ZNF605: variants seen among roughly 807,000 people sequenced by gnomAD.
The protein encoded by ZNF605 is zinc finger protein 605.
Under a neutral mutation model 7.9 loss-of-function variants are expected in ZNF605, and 9 were observed. The observed-to-expected ratio is 1.14, with a 90% CI of 0.68 to 1.98. The LOEUF is 1.98. ZNF605 is among the 30% of genes most tolerant of loss of function. The pLI is 0.00. For missense variants in ZNF605, 673 were observed against 762.4 expected (o/e 0.88, Z 1.38); for synonymous variants, 255 against 260.1 (o/e 0.98, Z 0.19).
intron 1 of ZNF605, among the ~76,000 whole-genome samples, chr12:132,949,829 C>T (rs1328695783): frequency 3.9e-5 from 6 of 152,214 alleles, no homozygotes; most frequent in South Asian, 2.1e-4. Flanking sequence ...CTAGAAATGG[C>T]GGGAAAGGAG....
intron 3 of ZNF605, among the ~76,000 whole-genome samples, chr12:132,938,066 C>T (rs991654868): frequency 1.3e-5 from 2 of 151,716 alleles, no homozygotes; most frequent in African/African-American, 2.4e-5. Context: ...TGGCAAGCCC[C>T]GCCTCCTGGG....
chr12:132,934,240 C>A (rs1952336591), intron 3 of ZNF605, among the ~76,000 whole-genome samples: 1 of 151,958 alleles, frequency 6.6e-6, no homozygotes, highest in Non-Finnish European at 1.5e-5. Context: ...GATCGTGCAC[C>A]TGCATGCAGC....
chr12:132,934,795 CAGGCCAGAGTGAATA>C (rs1210612713), intron 3 of ZNF605, among the ~76,000 whole-genome samples: 2 of 151,146 alleles, frequency 1.3e-5, no homozygotes, highest in Admixed American at 1.3e-4. Context: ...AAGTACCTTT[CAGGCCAGAGTGAATA>C]AGGTTACAGG....
At position 132,933,877 on chromosome 12, in the gene ZNF605, G is replaced by C. The variant is rs1327210617; in HGVS notation, c.16-722C>G. 1.3e-5 allele frequency among the ~76,000 whole-genome samples: 2 copies of C among 152,192 alleles called. No individual in the cohort carries two copies. Among genetic ancestry groups the C allele is most frequent in the Admixed American group, 6.5e-5 (1 of 15,280 alleles). On this transcript the variant is annotated intron_variant, in intron 3 of 4. Coordinates refer to ENST00000360187, the MANE Select transcript of ZNF605 (RefSeq NM_183238.4). This position sits in a 1 kb window ranked among gnomAD's most constrained non-coding sequence, Gnocchi z 4.4. ...CTCAAAGAAGGTGCCACTAGTATTT[G>C]AGAACCATTCTTAGGTAAGGAATAC... is the stretch of plus-strand genomic sequence containing the variant.
At chr12:132,955,865 C>T (rs1195019799) in intron 1 of ZNF605, among the ~76,000 whole-genome samples, 6 of 152,100 alleles carry the variant, frequency 3.9e-5, no homozygotes, top group Non-Finnish European at 7.4e-5. Context: ...AGGGCAACCT[C>T]GCGTCCCCTT....
intron 1 of ZNF605, among the ~76,000 whole-genome samples, chr12:132,955,008 G>T (rs2137173583): frequency 6.6e-6 from 1 of 152,202 alleles, no homozygotes; most frequent in South Asian, 2.1e-4. Context: ...TTGGAGACAG[G>T]GGTTGAAAGA....
chr12:132,939,053 C>A (rs796158953), intron 3 of ZNF605, among the ~76,000 whole-genome samples: 4 of 150,886 alleles, frequency 2.7e-5, no homozygotes, highest in African/African-American at 9.7e-5. Flanking sequence ...CATGGGCTCC[C>A]ATGCGGCCCC....
At chr12:132,940,737 T>A (rs887983483) in intron 3 of ZNF605, among the ~76,000 whole-genome samples, 21 of 151,132 alleles carry the variant, frequency 1.4e-4, no homozygotes, top group African/African-American at 4.4e-4. Context: ...CAGGACTTTT[T>A]AAAAAAAAAA....
At chr12:132,931,690 T>G (rs950251989) in intron 4 of ZNF605, among the ~76,000 whole-genome samples, 51 of 152,122 alleles carry the variant, frequency 3.4e-4, no homozygotes, top group Admixed American at 2.8e-3. Flanking sequence ...GAAAAATAAG[T>G]GGAGAGATAA....
At position 132,919,639 on chromosome 12, in the gene ZNF605, T is replaced by C. The variant is rs541029013; in HGVS notation, c.*5734A>G. On this transcript the variant is annotated 3_prime_UTR_variant, in exon 5 of 5. Coordinates refer to ENST00000360187, the MANE Select transcript of ZNF605 (RefSeq NM_183238.4). ...CTCCTGACCTCGTGATCCACCCATC[T>C]TGGCCTCCCAAAGTGCTGAGATTAC... The C allele has an allele frequency of 1.3e-5, 2 of 152,326 alleles. No individual in the cohort carries two copies. The highest frequency in any genetic ancestry group is 3.9e-4 in the East Asian group (2 of 5,182). The allele number at this position is 152,326 out of a possible 1,614,324, so 9.4% of individuals were successfully genotyped here.
intron 3 of ZNF605, among the ~76,000 whole-genome samples, chr12:132,938,041 C>A (rs998479759): frequency 6.6e-6 from 1 of 152,208 alleles, no homozygotes; most frequent in Non-Finnish European, 1.5e-5. Context: ...AGTGCAGTGG[C>A]GCGATCTCGG....
chr12:132,925,370 T>G lies in ZNF605; in HGVS notation c.*3A>C. ...CTTTCTGCATTCGCCAAAGTCATGA[T>G]TTTTATATTATATGATTTCTCTGAT... is the stretch of plus-strand genomic sequence containing the variant. On this transcript the variant is annotated 3_prime_UTR_variant, in exon 5 of 5. Transcript: ENST00000360187. The G allele has an allele frequency of 6.4e-7, 1 of 1,567,220 alleles. No individual in the cohort carries two copies. Among genetic ancestry groups the G allele is most frequent in the Non-Finnish European group, 8.6e-7 (1 of 1,157,186 alleles).
chr12:132,919,850 G>T lies in ZNF605; in HGVS notation c.*5523C>A, dbSNP rs1290163. The T allele has an allele frequency of 0.82, 123,829 of 151,310 alleles. 51,648 individuals carry two copies. The highest frequency in any genetic ancestry group is 0.94 in the Middle Eastern group (275 of 294). 9.4% of individuals were successfully genotyped at this position (151,310 alleles called of 1,614,324 possible). On this transcript the variant is annotated 3_prime_UTR_variant, in exon 5 of 5. Transcript: ENST00000360187. Reference sequence around the variant, plus strand: ...TAAGTTTGGTGTTCCCTGTTTTTTTGTGTGTGTGTGTGATGGAGTCTTGCT... The same window carrying T: ...TAAGTTTGGTGTTCCCTGTTTTTTTTTGTGTGTGTGTGATGGAGTCTTGCT...
chr12:132,932,801 A>G, intron 4 of ZNF605: 3 of 1,535,478 alleles, frequency 2.0e-6, no homozygotes, highest in Non-Finnish European at 2.6e-6. Context: ...TGAGAATTTG[A>G]AAACCTGTCG....
intron 4 of ZNF605, among the ~76,000 whole-genome samples, chr12:132,928,690 G>C (rs552679964): frequency 6.6e-6 from 1 of 152,142 alleles, no homozygotes; most frequent in Non-Finnish European, 1.5e-5. Context: ...TACTCTGCGA[G>C]ATGAAAAGAT....
intron 1 of ZNF605, among the ~76,000 whole-genome samples, chr12:132,954,017 C>T (rs1316094839): frequency 2.0e-5 from 3 of 152,062 alleles, no homozygotes; most frequent in Admixed American, 2.0e-4. Flanking sequence ...AATAACAAAG[C>T]CAATGCCAGG....
At chr12:132,954,087 T>A (rs1381846098) in intron 1 of ZNF605, among the ~76,000 whole-genome samples, 3 of 151,486 alleles carry the variant, frequency 2.0e-5, no homozygotes, top group Non-Finnish European at 2.9e-5. Flanking sequence ...TTATTCCTAA[T>A]CCTCCACAGG....
At position 132,933,413 on chromosome 12, in the gene ZNF605, A is replaced by ACT. The variant is rs947405278; in HGVS notation, c.16-260_16-259dup. Among the ~76,000 whole-genome samples, 13 of 151,798 alleles carry ACT rather than the reference A, an allele frequency of 8.6e-5. No individual in the cohort carries two copies. The highest frequency in any genetic ancestry group is 1.3e-4 in the Admixed American group (2 of 15,238). On this transcript the variant is annotated intron_variant, in intron 3 of 4. Transcript: ENST00000360187. This position sits in a 1 kb window ranked among gnomAD's most constrained non-coding sequence, Gnocchi z 4.4. ...AAGAAATGCAACTTCTATCCTGGGC[A>ACT]CTCTCTCTCTCTGGAGGAGTCTGGC...
chr12:132,937,975 T>G (rs1952385049), intron 3 of ZNF605, among the ~76,000 whole-genome samples: 1 of 106,068 alleles, frequency 9.4e-6, no homozygotes, highest in South Asian at 2.8e-4. Flanking sequence ...TGATCCCATT[T>G]ATTTATTTAT....
Sources: gnomAD v4.1 joint callset for allele counts (sites outside exome capture counted in the v4.1 genomes callset) on GRCh38, gnomAD v4.1.1 for gene constraint, Gnocchi (gnomAD v3.1) non-coding constraint, MANE v1.5 for transcripts, NCBI Gene and HGNC (gene_info 2026-07-23, HGNC 2026-07-21) for gene names.